The following ART3 variants were observed in gnomAD, a reference collection of about 807,000 sequenced individuals.
ART3 encodes the protein ADP-ribosyltransferase 3 (inactive), also known as ecto-ADP-ribosyltransferase 3.
Under a neutral mutation model 48.5 loss-of-function variants are expected in ART3, and 49 were observed. That is an observed-to-expected ratio of 1.01 (90% CI 0.80 to 1.28). ART3 has a LOEUF of 1.28. Ranked by LOEUF, ART3 falls within the 50% of genes most tolerant of loss-of-function variation. ART3 has a pLI of 0.00. For synonymous variants in ART3, 145 were observed against 157.2 expected, an observed-to-expected ratio of 0.92 and a Z score of 0.58; for missense variants, 438 against 454.3, an observed-to-expected ratio of 0.96 and a Z score of 0.33.
chr4:76,070,058 C>T (rs573205112), upstream of ART3, among the ~76,000 whole-genome samples: 4 of 152,180 alleles, frequency 2.6e-5, no homozygotes, highest in South Asian at 2.1e-4. Context: ...TTTGTTTATC[C>T]ATTTACCAGT....
chr4:76,046,314 G>C (rs1196171590), intron 1 of ART3, among the ~76,000 whole-genome samples: 2 of 151,958 alleles, frequency 1.3e-5, no homozygotes, highest in Admixed American at 1.3e-4. Flanking sequence ...GCTTCCCCTG[G>C]TATTTGAGAG....
intron 2 of ART3, among the ~76,000 whole-genome samples, chr4:76,076,877 T>C (rs1239697454): frequency 6.6e-6 from 1 of 152,174 alleles, no homozygotes; most frequent in African/African-American, 2.4e-5. Context: ...CCACATTACT[T>C]GTGGGTATTT....
chr4:76,086,829 A>C (rs1016523065), intron 3 of ART3, among the ~76,000 whole-genome samples: 1 of 152,168 alleles, frequency 6.6e-6, no homozygotes, highest in Non-Finnish European at 1.5e-5. Context: ...ATGGGAACTG[A>C]TCGTGGGTAT....
At chr4:76,089,848 G>A (rs1040309812) in intron 3 of ART3, among the ~76,000 whole-genome samples, 14 of 152,102 alleles carry the variant, frequency 9.2e-5, no homozygotes, top group Non-Finnish European at 1.8e-4. Flanking sequence ...TTGGGAGGCC[G>A]AGGCGGGCAG....
At chr4:76,080,579 C>T (rs7679084) in intron 2 of ART3, among the ~76,000 whole-genome samples, 16,843 of 152,082 alleles carry the variant, frequency 0.11, 1,251 homozygotes, top group East Asian at 0.34. Flanking sequence ...GGTGCAGTCT[C>T]CGCTCCCTGC....
At chr4:76,056,184 C>T (rs1718662825) in intron 1 of ART3, among the ~76,000 whole-genome samples, 1 of 152,214 alleles carries the variant, frequency 6.6e-6, no homozygotes, top group Non-Finnish European at 1.5e-5. Context: ...AATTATTTCT[C>T]AGAGTCCCAG....
At position 76,088,793 on chromosome 4, in the gene ART3, G is replaced by C. The variant is rs565593260; in HGVS notation, c.781+6258G>C. On this transcript the variant is annotated intron_variant, in intron 3 of 11. Coordinates refer to ENST00000355810, the MANE Select transcript of ART3 (RefSeq NM_001130016.3). ...CTGAATGCTATAGCAAATTCACCAG[G>C]CTGCCAAGGAATATTTTTAAATTTC... 1.2e-4 allele frequency among the ~76,000 whole-genome samples: 19 copies of C among 152,142 alleles called. No homozygotes were observed. In the East Asian group the frequency reaches 3.5e-3, roughly 28 times the overall value.
At chr4:76,024,245 A>G (rs1236796298) in intron 1 of ART3, among the ~76,000 whole-genome samples, 2 of 152,122 alleles carry the variant, frequency 1.3e-5, no homozygotes, top group African/African-American at 4.8e-5. Context: ...TAGCTATCCT[A>G]GGGTTATTGT....
chr4:76,108,323 A>C (rs1260368189), intron 11 of ART3, among the ~76,000 whole-genome samples: 3 of 151,232 alleles, frequency 2.0e-5, no homozygotes, highest in Non-Finnish European at 4.4e-5. Context: ...GGAGTGAAGA[A>C]ATAGAGTAGA....
chr4:76,099,997 A>T (rs1415697108), intron 5 of ART3, among the ~76,000 whole-genome samples: 1 of 152,182 alleles, frequency 6.6e-6, no homozygotes, highest in Non-Finnish European at 1.5e-5. Flanking sequence ...ATCACTTCCC[A>T]GGGACTTTAG....
intron 3 of ART3, among the ~76,000 whole-genome samples, chr4:76,088,353 A>G (rs1172584681): frequency 1.3e-5 from 2 of 151,628 alleles, no homozygotes; most frequent in Non-Finnish European, 2.9e-5. Context: ...TAATTTATAG[A>G]GTAAGAGGGC....
At chr4:76,106,023 A>T (rs1578618342) in intron 10 of ART3, 1 of 985,424 alleles carries the variant, frequency 1.0e-6, no homozygotes. Flanking sequence ...CTGGAAAGCT[A>T]TGTGTAGCTT....
chr4:76,085,922 A>C (rs766993983), intron 3 of ART3, among the ~76,000 whole-genome samples: 2 of 152,124 alleles, frequency 1.3e-5, no homozygotes, highest in Admixed American at 6.5e-5. Flanking sequence ...AAATACAAAA[A>C]TTAGCCAGGC....
chr4:76,093,824 T>C (rs1375441326), intron 3 of ART3, among the ~76,000 whole-genome samples: 1 of 152,220 alleles, frequency 6.6e-6, no homozygotes. Context: ...TTGGGTCTTT[T>C]TATATTTTCC....
intron 1 of ART3, among the ~76,000 whole-genome samples, chr4:76,068,092 C>A (rs931649886): frequency 6.6e-6 from 1 of 152,148 alleles, no homozygotes; most frequent in East Asian, 1.9e-4. Context: ...ACATATATAT[C>A]TGGGGGTACA....
chr4:76,022,331 A>G, intron 1 of ART3: 1 of 1,552,244 alleles, frequency 6.4e-7, no homozygotes. Flanking sequence ...CCGTTTCCTA[A>G]AGAGCAATTC....
At chr4:76,085,512 T>G (rs1227167277) in intron 3 of ART3, among the ~76,000 whole-genome samples, 1 of 152,190 alleles carries the variant, frequency 6.6e-6, no homozygotes, top group African/African-American at 2.4e-5. Flanking sequence ...TCTAGGCACC[T>G]TATTTGCCTC....
intron 8 of ART3, among the ~76,000 whole-genome samples, chr4:76,103,146 C>A (rs900850568): frequency 3.3e-5 from 5 of 152,162 alleles, no homozygotes; most frequent in African/African-American, 4.8e-5. Context: ...CAGAGGCTCA[C>A]TGTTTCACCT....
Position 76,112,736 on chromosome 4 carries a change from TC to T in ART3, c.*220del. The stretch of plus-strand genomic sequence containing the variant: ...ATACTACTCTTACAATGGAAAAAAA[TC>T]CCGAAAACTGTATACTTCTGATTAA... On this transcript the variant is annotated 3_prime_UTR_variant, in exon 12 of 12. Transcript: ENST00000355810. The T allele has an allele frequency of 2.4e-6, 1 of 423,002 alleles. No homozygotes were observed. Among genetic ancestry groups the T allele is most frequent in the Non-Finnish European group, 4.1e-6 (1 of 245,474 alleles). The allele number at this position is 423,002 out of a possible 1,614,324, so 26.2% of individuals were successfully genotyped here. A position where few individuals can be genotyped will look rare whatever the true frequency, so the allele number is the denominator to read the frequency against.
Sources: allele counts gnomAD v4.1 joint callset (sites outside exome capture counted in the v4.1 genomes callset), GRCh38; gene constraint gnomAD v4.1.1; transcripts MANE v1.5; gene names NCBI Gene and HGNC (gene_info 2026-07-23, HGNC 2026-07-21).